Variants in PRKG1 observed in about 807,000 individuals in gnomAD.
The protein encoded by PRKG1 is cGMP-dependent protein kinase 1.
Under a neutral mutation model 88.1 loss-of-function variants are expected in PRKG1, and 35 were observed. The observed-to-expected ratio is 0.40, with a 90% confidence interval of 0.30 to 0.53. The LOEUF is 0.53. Among genes scored for constraint, PRKG1 ranks in the 20% least tolerant of loss-of-function variants. The pLI is 0.59. For synonymous variants in PRKG1, 303 were observed against 292.5 expected (o/e 1.04, Z -0.37); for missense variants, 540 against 839.8 (o/e 0.64, Z 4.41).
intron 1 of PRKG1, among the ~76,000 whole-genome samples, chr10:51,086,343 C>T (rs1481063158): frequency 6.6e-6 from 1 of 152,108 alleles, no homozygotes; most frequent in East Asian, 1.9e-4. Context: ...GGGAAATGCT[C>T]AGCTTAATAA....
At chr10:51,818,114 G>A (rs34637253) in intron 4 of PRKG1, among the ~76,000 whole-genome samples, 2,164 of 152,196 alleles carry the variant, frequency 0.014, 33 homozygotes, top group Middle Eastern at 0.024. Context: ...TTCTATATGG[G>A]ACATATAGAA....
At chr10:51,609,244 T>A (rs2132240674) in intron 3 of PRKG1, among the ~76,000 whole-genome samples, 1 of 152,312 alleles carries the variant, frequency 6.6e-6, no homozygotes, top group East Asian at 1.9e-4. Context: ...ACTATATTCA[T>A]GTCCTAGGCC....
intron 5 of PRKG1, among the ~76,000 whole-genome samples, chr10:51,958,307 T>G (rs922071446): frequency 6.6e-6 from 1 of 152,062 alleles, no homozygotes; most frequent in African/African-American, 2.4e-5. Flanking sequence ...CCTTAGAACT[T>G]TTAGAGAATT....
chr10:51,754,740 G>T (rs1190477835), intron 3 of PRKG1, among the ~76,000 whole-genome samples: 3 of 152,152 alleles, frequency 2.0e-5, no homozygotes, highest in African/African-American at 7.2e-5. Flanking sequence ...AAAGGAAATT[G>T]CATCTCCCTT....
chr10:51,946,031 G>T (rs1843025178), intron 5 of PRKG1, among the ~76,000 whole-genome samples: 1 of 151,718 alleles, frequency 6.6e-6, no homozygotes. Flanking sequence ...AGTTCTCCTG[G>T]ATAATATCCT....
chr10:51,836,638 G>A (rs1840137826), intron 4 of PRKG1, among the ~76,000 whole-genome samples: 1 of 152,064 alleles, frequency 6.6e-6, no homozygotes, highest in South Asian at 2.1e-4. Flanking sequence ...ATGTGGATAA[G>A]GGGTATACAC....
At chr10:51,410,260 A>G (rs200688809) in intron 2 of PRKG1, among the ~76,000 whole-genome samples, 2,244 of 132,438 alleles carry the variant, frequency 0.017, 14 homozygotes, top group Non-Finnish European at 0.022. Context: ...GTGTGTGTGT[A>G]TATATATATA....
At chr10:51,213,460 G>A (rs1838287379) in intron 2 of PRKG1, among the ~76,000 whole-genome samples, 1 of 152,002 alleles carries the variant, frequency 6.6e-6, no homozygotes, top group Non-Finnish European at 1.5e-5. Flanking sequence ...AAAACTTAAA[G>A]TATAATAATA....
chr10:52,126,516 T>C (rs1847934477), intron 7 of PRKG1, among the ~76,000 whole-genome samples: 1 of 152,182 alleles, frequency 6.6e-6, no homozygotes, highest in Non-Finnish European at 1.5e-5. Context: ...CTTCTTTTTC[T>C]TTCTTTCTTT....
rs112116864 is a variant in PRKG1 at position 51,534,530 on chromosome 10, A to T, written c.592+66694A>T. 3.1e-3 allele frequency among the ~76,000 whole-genome samples: 408 copies of T among 132,122 alleles called. 3 individuals are homozygous for T. Among genetic ancestry groups the T allele is most frequent in the African/African-American group, 0.011 (383 of 36,358 alleles). The allele number at this position is 132,122 out of a possible 152,430, so 86.7% of individuals were successfully genotyped here. On this transcript the variant is annotated intron_variant, in intron 3 of 17. Transcript: ENST00000373980. ...AAAAATACAAAACATTAGCCGGGCG[A>T]GGTGGCGGGCTCCTGTAGTCCCAGC...
At chr10:52,036,453 G>A (rs1845612224) in intron 5 of PRKG1, among the ~76,000 whole-genome samples, 1 of 150,826 alleles carries the variant, frequency 6.6e-6, no homozygotes, top group Non-Finnish European at 1.5e-5. Context: ...AGGCCATGCT[G>A]TAGCAGGCAA....
chr10:52,051,879 C>T (rs1006224155), intron 5 of PRKG1, among the ~76,000 whole-genome samples: 4 of 152,124 alleles, frequency 2.6e-5, no homozygotes, highest in Non-Finnish European at 4.4e-5. Context: ...TGCCACCTCT[C>T]CTGGTGCAGA....
intron 2 of PRKG1, among the ~76,000 whole-genome samples, chr10:51,417,763 T>C (rs1192671830): frequency 6.6e-6 from 1 of 152,202 alleles, no homozygotes; most frequent in Non-Finnish European, 1.5e-5. Flanking sequence ...TTAAGTTATA[T>C]TTGTATTCAG....
At chr10:51,801,038 C>G (rs933371348) in intron 3 of PRKG1, among the ~76,000 whole-genome samples, 2 of 152,086 alleles carry the variant, frequency 1.3e-5, no homozygotes, top group African/African-American at 4.8e-5. Flanking sequence ...CAGCTCCTCC[C>G]CATGGAAAGT....
At chr10:51,263,736 A>G (rs2132163896) in intron 2 of PRKG1, among the ~76,000 whole-genome samples, 1 of 152,314 alleles carries the variant, frequency 6.6e-6, no homozygotes, top group African/African-American at 2.4e-5. Context: ...GATATTTTTT[A>G]AATTTCCTGC....
intron 2 of PRKG1, among the ~76,000 whole-genome samples, chr10:51,358,766 A>C (rs1044259158): frequency 6.6e-6 from 1 of 151,890 alleles, no homozygotes; most frequent in African/African-American, 2.4e-5. Flanking sequence ...AATTTGGAAT[A>C]CTGTCATAGA....
chr10:52,003,162 A>G (rs974980748), intron 5 of PRKG1, among the ~76,000 whole-genome samples: 8 of 152,324 alleles, frequency 5.3e-5, no homozygotes, highest in African/African-American at 1.4e-4. Flanking sequence ...AGTGAAGGAC[A>G]GTGCTACTTT....
At chr10:52,114,527 C>A (rs545689073) in intron 7 of PRKG1, among the ~76,000 whole-genome samples, 8 of 150,306 alleles carry the variant, frequency 5.3e-5, no homozygotes, top group African/African-American at 2.0e-4. Flanking sequence ...TACAAACAGG[C>A]TGATTTGAGC....
intron 7 of PRKG1, among the ~76,000 whole-genome samples, chr10:52,111,120 TA>T (rs1297767332): frequency 6.6e-6 from 1 of 152,126 alleles, no homozygotes; most frequent in African/African-American, 2.4e-5. Context: ...TTATCTTACT[TA>T]AAAAAAGGAT....
Sources: gnomAD v4.1 joint callset for allele counts (sites outside exome capture counted in the v4.1 genomes callset) on GRCh38, gnomAD v4.1.1 for gene constraint, MANE v1.5 for transcripts, NCBI Gene and HGNC (gene_info 2026-07-23, HGNC 2026-07-21) for gene names.